Variants in SMIM24 observed in about 807,000 individuals in gnomAD.
SMIM24 encodes the protein small integral membrane protein 24.
Under a neutral mutation model 10.8 loss-of-function variants are expected in SMIM24, and 6 were observed. That is an observed-to-expected ratio of 0.55 (90% CI 0.30 to 1.09). SMIM24 has a LOEUF of 1.09. Among genes scored for constraint, SMIM24 ranks in the 50% least tolerant of loss-of-function variants. The pLI, the probability that SMIM24 is intolerant of heterozygous loss-of-function variation, is 0.06. For missense variants in SMIM24, 151 were observed against 153.4 expected (o/e 0.98, Z 0.08); for synonymous variants, 71 against 62.4 (o/e 1.14, Z -0.65).
At chr19:3,479,539 G>C (rs1204483317) in intron 1 of SMIM24, among the ~76,000 whole-genome samples, 1 of 151,024 alleles carries the variant, frequency 6.6e-6, no homozygotes, top group Non-Finnish European at 1.5e-5. Flanking sequence ...TCTCAGAGTG[G>C]GAGGGGCTTA....
chr19:3,477,087 G>A, intron 3 of SMIM24, among the ~76,000 whole-genome samples: 1 of 138,236 alleles, frequency 7.2e-6, no homozygotes, highest in Non-Finnish European at 1.6e-5. Flanking sequence ...GTGAATAGAT[G>A]GGTGATGGAT....
intron 3 of SMIM24, among the ~76,000 whole-genome samples, chr19:3,477,121 T>TGGATGGAC (rs1555687019): frequency 1.2e-4 from 15 of 130,120 alleles, no homozygotes; most frequent in African/African-American, 4.3e-4. Flanking sequence ...GATGGATGGA[T>TGGATGGAC]GGATCATGGA....
intron 1 of SMIM24, 34 bp downstream of exon 1, chr19:3,480,361 ATC>A: frequency 1.6e-6 from 2 of 1,285,494 alleles, no homozygotes; most frequent in Non-Finnish European, 2.1e-6. Context: ...CAACTCCCCT[ATC>A]CCGCGACGCC....
At chr19:3,479,105 A>G in intron 1 of SMIM24, 176 bp from the exon 2 acceptor site, 1 of 297,374 alleles carries the variant, frequency 3.4e-6, no homozygotes, top group Non-Finnish European at 6.0e-6. Context: ...GAGGGTTTAG[A>G]GAGGGGGAGG....
chr19:3,478,375 G>T, intron 3 of SMIM24, 44 bp downstream of exon 3: 5 of 1,510,546 alleles, frequency 3.3e-6, no homozygotes, highest in East Asian at 2.5e-5. Flanking sequence ...CCCCCACCCC[G>T]AGGAGGGGTT....
intron 3 of SMIM24, among the ~76,000 whole-genome samples, chr19:3,477,596 GGGTGGATGGGTGAGT>G (rs2082799005): frequency 7.0e-6 from 1 of 142,592 alleles, no homozygotes; most frequent in African/African-American, 2.8e-5. Flanking sequence ...ATGGGTGAGT[GGGTGGATGGGTGAGT>G]GGGTGGATAG....
Position 3,480,488 on chromosome 19 carries a change from G to C in SMIM24, c.-25C>G. ...TGACGGTCGAGTGAGCCAGCAGCCA[G>C]CCAGCGGCGGTCCCGGGTCGGCGTC... On this transcript the variant is annotated 5_prime_UTR_variant, in exon 1 of 4. Transcript: ENST00000215531. 1.3e-6 allele frequency: 2 copies of C among 1,547,574 alleles called. No individual in the cohort carries two copies. Among genetic ancestry groups the C allele is most frequent in the Admixed American group, 2.0e-5 (1 of 50,860 alleles).
chr19:3,478,825 T>C lies in SMIM24; in HGVS notation c.172A>G (p.Lys58Glu), dbSNP rs1599751150. Residue 58 changes from lysine to glutamate, a missense_variant, in exon 2 of 4, where the codon AAG becomes GAG. Physicochemically the swap from Lys to Glu is moderately conservative, Grantham distance 56. Coordinates refer to ENST00000215531, the MANE Select transcript of SMIM24 (RefSeq NM_001136503.2). ...VLLANRLWCSKARAEDEEETT... is the reference protein window; with the variant it reads ...VLLANRLWCSEARAEDEEETT... The stretch of plus-strand genomic sequence containing the variant: ...GTGGGGGCGGGCACCCACCTGGCCT[T>C]GGAACACCAGAGGCGGTTGGCCAGC... The C allele has an allele frequency of 6.5e-7, 1 of 1,548,270 alleles. No individual in the cohort carries two copies.
At chr19:3,478,303 A>G in intron 3 of SMIM24, 116 bp downstream of exon 3, 4 of 979,288 alleles carry the variant, frequency 4.1e-6, no homozygotes, top group Non-Finnish European at 5.9e-6. Context: ...AAAGGTGAAG[A>G]TCCCAGGGCA....
At chr19:3,478,728 T>G in intron 2 of SMIM24, 90 bp downstream of exon 2, 1 of 1,001,094 alleles carries the variant, frequency 1.0e-6, no homozygotes, top group East Asian at 3.1e-5. Flanking sequence ...CTTCGGACTT[T>G]GAGGCTGGTG....
At chr19:3,479,601 G>C (rs1338702130) in intron 1 of SMIM24, among the ~76,000 whole-genome samples, 1 of 148,524 alleles carries the variant, frequency 6.7e-6, no homozygotes, top group African/African-American at 2.5e-5. Flanking sequence ...GAGGAGCTCA[G>C]AGGGGAGGGG....
chr19:3,475,010 A>C lies in SMIM24; in HGVS notation c.240-14T>G. The C allele has an allele frequency of 2.6e-6, 4 of 1,550,480 alleles. No homozygotes were observed. The highest frequency in any genetic ancestry group is 3.5e-6 in the Non-Finnish European group (4 of 1,146,676). ...CTCTTGTCTTCACTGTAGGGATACA[A>C]AGGCCCCAAACCATAATAAGAAACA... On this transcript the variant is annotated splice_polypyrimidine_tract_variant and intron_variant, in intron 3 of 3. Transcript: ENST00000215531.
intron 3 of SMIM24, among the ~76,000 whole-genome samples, chr19:3,476,867 G>GATGGATGA (rs2122018896): frequency 7.3e-6 from 1 of 136,844 alleles, no homozygotes; most frequent in Non-Finnish European, 1.6e-5. Flanking sequence ...TGGATGGATG[G>GATGGATGA]ATGGATGGAT....
intron 3 of SMIM24, among the ~76,000 whole-genome samples, chr19:3,475,281 C>T (rs1325631403): frequency 1.3e-5 from 2 of 151,762 alleles, no homozygotes; most frequent in Non-Finnish European, 2.9e-5. Context: ...AAGGAGGCTG[C>T]TTTTGAGGCT....
In SMIM24 at chr19:3,478,860, T is replaced by C. The variant is rs944465878; in HGVS notation, c.137A>G (p.Tyr46Cys). 16 of 1,549,180 alleles carry C rather than the reference T, an allele frequency of 1.0e-5. No homozygotes were observed. The highest frequency in any genetic ancestry group is 1.4e-5 in the Non-Finnish European group (16 of 1,146,620). Residue 46 changes from tyrosine to cysteine, a missense_variant, in exon 2 of 4, where the codon TAT becomes TGT. Coordinates refer to ENST00000215531, the MANE Select transcript of SMIM24 (RefSeq NM_001136503.2). Reference protein sequence around the residue: ...AAVVGFLFIVYLVLLANRLWC... With the variant: ...AAVVGFLFIVCLVLLANRLWC... ...GAGGCGGTTGGCCAGCAAGACCAAATAGACGATGAACAGGAAGCCGACTAC... is the reference window on the plus strand; with the variant it reads ...GAGGCGGTTGGCCAGCAAGACCAAACAGACGATGAACAGGAAGCCGACTAC...
intron 1 of SMIM24, chr19:3,479,153 A>G: frequency 2.7e-6 from 1 of 365,350 alleles, no homozygotes; most frequent in Non-Finnish European, 4.8e-6. Context: ...GGGGGCCCAG[A>G]GAGGGGAGGG....
chr19:3,474,733 T>C lies in SMIM24; in HGVS notation c.*110A>G. On this transcript the variant is annotated 3_prime_UTR_variant, in exon 4 of 4. Transcript: ENST00000215531. Reference sequence around the variant, plus strand: ...GCCTTCTTCACTTGAGAACACTGTATTCTGAATCCCAGATGGAGTCATTTC... The same window carrying C: ...GCCTTCTTCACTTGAGAACACTGTACTCTGAATCCCAGATGGAGTCATTTC... 1.5e-6 allele frequency: 2 copies of C among 1,360,438 alleles called. No homozygotes were observed. The allele number at this position is 1,360,438 out of a possible 1,614,324, so 84.3% of individuals were successfully genotyped here.
intron 3 of SMIM24, among the ~76,000 whole-genome samples, chr19:3,475,389 G>T (rs903730504): frequency 6.6e-6 from 1 of 152,146 alleles, no homozygotes; most frequent in African/African-American, 2.4e-5. Flanking sequence ...TAGGTGGGTA[G>T]GTGTGTAAAG....
At chr19:3,479,130 T>G (rs1426592117) in intron 1 of SMIM24, 148 of 151,254 alleles carry the variant, frequency 9.8e-4, no homozygotes, top group South Asian at 4.6e-3. Flanking sequence ...CTTACCAGAG[T>G]GGGAGGGAGC....
Sources: gnomAD v4.1 joint callset for allele counts (sites outside exome capture counted in the v4.1 genomes callset) on GRCh38, gnomAD v4.1.1 for gene constraint, MANE v1.5 for transcripts, NCBI Gene and HGNC (gene_info 2026-07-23, HGNC 2026-07-21) for gene names.